ATN1: variants seen among roughly 807,000 people sequenced by gnomAD.
The protein encoded by ATN1 is atrophin 1, also known as atrophin-1.
ATN1 carries 19 observed loss-of-function variants against 85.8 expected under a neutral mutation model. The observed-to-expected ratio is 0.22, with a 90% CI of 0.15 to 0.32. ATN1 has a LOEUF of 0.32. Among genes scored for constraint, ATN1 ranks in the 10% least tolerant of loss-of-function variants. The pLI, the probability that ATN1 is intolerant of heterozygous loss-of-function variation, is 1.00. For synonymous variants in ATN1, 674 were observed against 657.0 expected, an observed-to-expected ratio of 1.03 and a Z score of -0.39; for missense variants, 1,453 against 1,564.5, an observed-to-expected ratio of 0.93 and a Z score of 1.20.
intron 7 of ATN1, 112 bp downstream of exon 7, chr12:6,939,289 T>G: frequency 7.2e-7 from 1 of 1,394,962 alleles, no homozygotes; most frequent in Non-Finnish European, 9.5e-7. Context: ...GGCATGAACC[T>G]TTCCTGAGAT....
chr12:6,938,158 G>A, intron 6 of ATN1, 91 bp downstream of exon 6: 4 of 1,445,606 alleles, frequency 2.8e-6, no homozygotes, highest in Non-Finnish European at 3.6e-6. Flanking sequence ...CTGCGGGGCT[G>A]TGGCTGGGTG....
At position 6,936,858 on chromosome 12, in the gene ATN1, G is replaced by A. The variant is rs150280850; in HGVS notation, c.1591G>A (p.Ala531Thr). The A allele has an allele frequency of 3.1e-6, 5 of 1,613,730 alleles. No individual in the cohort carries two copies. The highest frequency in any genetic ancestry group is 1.6e-4 in the Middle Eastern group (1 of 6,084). ...TAGCTCCCACCACGCACACCCTTAC[G>A]CCATGTCTCCCTCCCTGGGGTCTCT... ...GGSSHHAHPY[A>T]MSPSLGSLRP... is the part of the protein sequence containing the mutation. The change falls in exon 5 of 10, where the codon GCC becomes ACC. Residue 531 changes from alanine (A) to threonine (T), a missense_variant. Physicochemically the swap from Ala to Thr is moderately conservative, Grantham distance 58 (BLOSUM62 0). Transcript: ENST00000396684.
Position 6,937,452 on chromosome 12 carries a change from G to A in ATN1, c.2185G>A (p.Glu729Lys), listed in dbSNP as rs868971807. 1.9e-6 allele frequency: 3 copies of A among 1,546,812 alleles called. No individual in the cohort carries two copies. The highest frequency in any genetic ancestry group is 2.6e-6 in the Non-Finnish European group (3 of 1,147,142). The change falls in exon 5 of 10, where the codon GAG becomes AAG. Residue 729 changes from glutamate to lysine, a missense_variant. Glu to Lys is a moderately conservative substitution (Grantham distance 56). Transcript: ENST00000396684. The surrounding 1 kb of genome is among the most constrained non-coding windows in gnomAD (Gnocchi z 6.0). The part of the protein sequence containing the change: ...PPLSATQIKQ[E>K]PAEEYETPES... ...CCTGAGCGCCACGCAGATCAAACAG[G>A]AGCCGGCTGAGGAGTATGAGACCCC...
At position 6,937,165 on chromosome 12, in the gene ATN1, C is replaced by T. The variant is rs375960570; in HGVS notation, c.1898C>T (p.Pro633Leu). The change falls in exon 5 of 10, where the codon CCA (proline) becomes CTA (leucine). Residue 633 changes from proline (P) to leucine (L), a missense_variant. Pro to Leu is a moderately conservative substitution (Grantham distance 98, BLOSUM62 -3). Transcript: ENST00000396684. This position sits in a 1 kb window ranked among gnomAD's most constrained non-coding sequence, Gnocchi z 6.0. ...CCAGCAGGCTACAAAACGGCCTCCC[C>T]ACCTGGGCCCCCACCGTACGGAAAG... ...SSPAGYKTAS[P>L]PGPPPYGKRA... 8.7e-6 allele frequency: 14 copies of T among 1,611,148 alleles called. No homozygotes were observed. The highest frequency in any genetic ancestry group is 1.6e-4 in the Middle Eastern group (1 of 6,084).
At position 6,937,225 on chromosome 12, in the gene ATN1, C is replaced by A. The variant is rs1945557190; in HGVS notation, c.1958C>A (p.Thr653Asn). Residue 653 changes from threonine (T) to asparagine (N), a missense_variant, in exon 5 of 10, where the codon ACC becomes AAC. Around this residue, in one of 6 missense-constraint regions of ATN1, gnomAD observed 990 missense variants for 914.8 expected, o/e 1.08. Coordinates refer to ENST00000396684, the MANE Select transcript of ATN1 (RefSeq NM_001940.4). The surrounding 1 kb of genome is among the most constrained non-coding windows in gnomAD (Gnocchi z 6.0). ...TCCCCGGGGGCCTACAAGACAGCCA[C>A]CCCACCCGGATACAAACCCGGGTCG... ...APSPGAYKTA[T>N]PPGYKPGSPP... 6 of 1,611,924 alleles carry A rather than the reference C, an allele frequency of 3.7e-6. No homozygotes were observed. The South Asian group carries it at 6.6e-5, about 18-fold the overall frequency.
In ATN1 at chr12:6,938,786, C is replaced by G. The variant is rs146691350; in HGVS notation, c.2823C>G (p.Asp941Glu). The change falls in exon 7 of 10, where the codon GAC (aspartate) becomes GAG (glutamate). Residue 941 changes from aspartate to glutamate, a missense_variant. Coordinates refer to ENST00000396684, the MANE Select transcript of ATN1 (RefSeq NM_001940.4). ...GGGAACGGGAAGCCCGTGAACGAGA[C>G]CTCCGTGACCGCCTCAAGCCTGGCT... ...REREREARER[D>E]LRDRLKPGFE... is the part of the protein sequence containing the mutation. 6,387 of 1,614,116 alleles carry G rather than the reference C, an allele frequency of 4.0e-3. 18 individuals are homozygous for G. The highest frequency in any genetic ancestry group is 5.0e-3 in the Non-Finnish European group (5,858 of 1,180,032).
At chr12:6,932,038 A>C (rs1053693343) in intron 1 of ATN1, among the ~76,000 whole-genome samples, 1 of 141,022 alleles carries the variant, frequency 7.1e-6, no homozygotes, top group Non-Finnish European at 1.5e-5. Context: ...CTGTCTCAAA[A>C]AAAAAAAAAA....
In ATN1 at chr12:6,934,809, A is replaced by G. The variant is rs1945510514; in HGVS notation, c.279+231A>G. ...GGGACCAGAAGAGTTGGGGGATTCT[A>G]GTCTCTGGGTGAGAAGTCTTAGTCG... On this transcript the variant is annotated intron_variant, in intron 4 of 9. Coordinates refer to ENST00000396684, the MANE Select transcript of ATN1 (RefSeq NM_001940.4). This position sits in a 1 kb window ranked among gnomAD's most constrained non-coding sequence, Gnocchi z 4.5. Among the ~76,000 whole-genome samples the G allele has an allele frequency of 6.6e-6, 1 of 152,234 alleles. No individual in the cohort carries two copies. The highest frequency in any genetic ancestry group is 2.4e-5 in the African/African-American group (1 of 41,456).
Position 6,933,902 on chromosome 12 carries a change from G to A in ATN1, c.-100G>A. 1.4e-6 allele frequency: 2 copies of A among 1,457,248 alleles called. No homozygotes were observed. The highest frequency in any genetic ancestry group is 1.9e-6 in the Non-Finnish European group (2 of 1,066,598). 90.3% of individuals were successfully genotyped at this position (1,457,248 alleles called of 1,614,324 possible). The stretch of plus-strand genomic sequence containing the variant: ...CCCACACTGGAAACTTGGAGATCCT[G>A]CTTCCCAGACCACAGCTGTGGGGAA... On this transcript the variant is annotated 5_prime_UTR_variant, in exon 2 of 10. Transcript: ENST00000396684.
rs1945580289 is a variant in ATN1 at position 6,938,217 on chromosome 12, C to T, written c.2517+150C>T. ...TGTCGGAGGGGAGGTACCACTGCAG[C>T]CCAGGAAATGGAGCCCAAAAGGTTT... On this transcript the variant is annotated intron_variant, in intron 6 of 9. Transcript: ENST00000396684. The T allele has an allele frequency of 2.1e-5, 30 of 1,416,490 alleles. No homozygotes were observed. The South Asian group carries it at 4.3e-4, about 20-fold the overall frequency. 87.7% of individuals were successfully genotyped at this position (1,416,490 alleles called of 1,614,324 possible). A position where few individuals can be genotyped will look rare whatever the true frequency, so the allele number is the denominator to read the frequency against.
At chr12:6,928,783 A>T (rs1945428877) in intron 1 of ATN1, among the ~76,000 whole-genome samples, 1 of 152,130 alleles carries the variant, frequency 6.6e-6, no homozygotes, top group Admixed American at 6.5e-5. Flanking sequence ...GATAGGAGAG[A>T]TGGCAGCGAG....
rs782675407 is a variant in ATN1, at chr12:6,935,359, G to C, written c.280-188G>C. 6.6e-6 allele frequency among the ~76,000 whole-genome samples: 1 copy of C among 152,256 alleles called. No homozygotes were observed. On this transcript the variant is annotated intron_variant, in intron 4 of 9. Transcript: ENST00000396684. This position sits in a 1 kb window ranked among gnomAD's most constrained non-coding sequence, Gnocchi z 5.3. Reference sequence around the variant, plus strand: ...AGGCGGGAAACAAGACTGGCTGCTAGGGAGCAGCCAAGAATGTGAGGAAAG... The same window carrying C: ...AGGCGGGAAACAAGACTGGCTGCTACGGAGCAGCCAAGAATGTGAGGAAAG...
Position 6,934,510 on chromosome 12 carries a change from G to A in ATN1, c.211G>A (p.Gly71Ser), listed in dbSNP as rs781848314. ...EASTPKVNKQGRSEEISESES... is the reference protein window; with the variant it reads ...EASTPKVNKQSRSEEISESES... Reference sequence around the variant, plus strand: ...CTCCACCCCAAAGGTCAACAAGCAGGGTCGGAGTGAGGAGATCTCAGAGAG... The same window carrying A: ...CTCCACCCCAAAGGTCAACAAGCAGAGTCGGAGTGAGGAGATCTCAGAGAG... The change falls in exon 4 of 10, where the codon GGT (glycine) becomes AGT (serine). Residue 71 changes from glycine to serine, a missense_variant. Physicochemically the swap from Gly to Ser is moderately conservative, Grantham distance 56. Around this residue, in one of 6 missense-constraint regions of ATN1, gnomAD observed 130 missense variants for 158.2 expected, o/e 0.82. Coordinates refer to ENST00000396684, the MANE Select transcript of ATN1 (RefSeq NM_001940.4). This position sits in a 1 kb window ranked among gnomAD's most constrained non-coding sequence, Gnocchi z 4.5. 32 of 1,588,744 alleles carry A rather than the reference G, an allele frequency of 2.0e-5. No individual in the cohort carries two copies. In the African/African-American group the frequency reaches 3.9e-4, roughly 19 times the overall value.
rs1159977911 is a variant in ATN1 at position 6,941,090 on chromosome 12, G to A, written c.3358+67G>A. On this transcript the variant is annotated intron_variant, in intron 8 of 9. Transcript: ENST00000396684. This position sits in a 1 kb window ranked among gnomAD's most constrained non-coding sequence, Gnocchi z 5.9. ...GGCAGAAAGGAGGTATTTGGGTGGG[G>A]GGATGGGCCTAGTTGGGCTTGGGGA... The A allele has an allele frequency of 3.2e-6, 5 of 1,581,782 alleles. No individual in the cohort carries two copies. Among genetic ancestry groups the A allele is most frequent in the Non-Finnish European group, 3.4e-6 (4 of 1,160,954 alleles).
In ATN1 at chr12:6,936,150, C is replaced by A; in HGVS notation, c.883C>A (p.Pro295Thr). ...TTCTGCTCCACCACCAGCCAACTTC[C>A]CCCATGTGACACCGAACCTGCCTCC... ...LPSAPPPANF[P>T]HVTPNLPPPP... Residue 295 changes from proline to threonine, a missense_variant, in exon 5 of 10, where the codon CCC (proline) becomes ACC (threonine). Coordinates refer to ENST00000396684, the MANE Select transcript of ATN1 (RefSeq NM_001940.4). 1 of 1,536,854 alleles carries A rather than the reference C, an allele frequency of 6.5e-7. No individual in the cohort carries two copies. The highest frequency in any genetic ancestry group is 1.3e-5 in the South Asian group (1 of 77,972).
At chr12:6,925,889 T>C (rs1274343820), upstream of ATN1, among the ~76,000 whole-genome samples, 2 of 152,106 alleles carry the variant, frequency 1.3e-5, no homozygotes, top group African/African-American at 4.8e-5. Context: ...AATCTGGAGC[T>C]CTACTGAGGG....
Position 6,935,759 on chromosome 12 carries a change from C to T in ATN1, c.492C>T (p.Leu164=). The part of the protein sequence containing the change: ...GPARPYHPPP[L]FPPSPQPPDS... Reference sequence around the variant, plus strand: ...CCCGCCCCTACCACCCACCTCCACTCTTTCCTCCTTCCCCTCAACCGCCAG... The same window carrying T: ...CCCGCCCCTACCACCCACCTCCACTTTTTCCTCCTTCCCCTCAACCGCCAG... The change falls in exon 5 of 10, where the codon CTC becomes CTT. Residue 164 remains leucine (L), a synonymous_variant. Transcript: ENST00000396684. The surrounding 1 kb of genome is among the most constrained non-coding windows in gnomAD (Gnocchi z 5.3). 6.2e-7 allele frequency: 1 copy of T among 1,613,802 alleles called. No individual in the cohort carries two copies. The highest frequency in any genetic ancestry group is 8.5e-7 in the Non-Finnish European group (1 of 1,179,834).
rs1555143777 is a variant in ATN1 at position 6,936,747 on chromosome 12, CAGCAG to C, written c.1481_1485del (p.Gln494ProfsTer28). 3 of 1,244,730 alleles carry C rather than the reference CAGCAG, an allele frequency of 2.4e-6. No homozygotes were observed. The highest frequency in any genetic ancestry group is 2.0e-5 in the Admixed American group (1 of 50,870). The allele number at this position is 1,244,730 out of a possible 1,614,324, so 77.1% of individuals were successfully genotyped here. On this transcript the variant is annotated frameshift_variant, in exon 5 of 10. Transcript: ENST00000396684. LOFTEE classifies it high-confidence loss of function. ...ACAGCAACAGCAGCAGCAGCAGCAG[CAGCAG>C]CAGCAGCAGCAGCAGCAGCAGCATC...
chr12:6,933,992 A>G lies in ATN1; in HGVS notation c.-10A>G, dbSNP rs1555143284. ...AGGCAGAGGAGAATGGGGTCTCCAC[A>G]GCCTGAAGAATGAAGACACGACAGA... On this transcript the variant is annotated 5_prime_UTR_variant, in exon 2 of 10. Coordinates refer to ENST00000396684, the MANE Select transcript of ATN1 (RefSeq NM_001940.4). The G allele has an allele frequency of 6.2e-7, 1 of 1,602,852 alleles. No homozygotes were observed. Among genetic ancestry groups the G allele is most frequent in the Admixed American group, 1.7e-5 (1 of 57,704 alleles).
Sources: gnomAD v4.1 joint callset for allele counts (sites outside exome capture counted in the v4.1 genomes callset) on GRCh38, gnomAD v4.1.1 for gene constraint, gnomAD v4.1.1 regional missense constraint, Gnocchi (gnomAD v3.1) non-coding constraint, MANE v1.5 for transcripts, NCBI Gene and HGNC (gene_info 2026-07-23, HGNC 2026-07-21) for gene names.